Variants in SSU72 observed in about 807,000 individuals in gnomAD.
The protein encoded by SSU72 is SSU72 homolog, RNA polymerase II CTD phosphatase, also known as RNA polymerase II subunit A C-terminal domain phosphatase SSU72.
SSU72 carries 12 observed loss-of-function variants against 22.7 expected under a neutral mutation model. The ratio of observed to expected loss-of-function variants is 0.53; its 90% CI spans 0.34 to 0.86. The LOEUF (loss-of-function observed/expected upper bound fraction) is 0.86. Among genes scored for constraint, SSU72 ranks in the 40% least tolerant of loss-of-function variants. The pLI, the probability that SSU72 is intolerant of heterozygous loss-of-function variation, is 0.02. For synonymous variants in SSU72, 116 were observed against 98.3 expected (o/e 1.18, Z -1.06); for missense variants, 151 against 249.8 (o/e 0.60, Z 2.67).
rs1048037691 is a variant in SSU72, at chr1:1,542,522, C to T, written c.484-355G>A. Reference sequence around the variant, plus strand: ...CTCACCGCCAGCGCTTCCACACCACCAACAAGCGAGCGGGGGCAGCCTGGT... The same window carrying T: ...CTCACCGCCAGCGCTTCCACACCACTAACAAGCGAGCGGGGGCAGCCTGGT... On this transcript the variant is annotated intron_variant, in intron 4 of 4. Transcript: ENST00000291386. The surrounding 1 kb of genome is among the most constrained non-coding windows in gnomAD (Gnocchi z 4.4). Among the ~76,000 whole-genome samples the T allele has an allele frequency of 6.6e-6, 1 of 152,166 alleles. No homozygotes were observed. Among genetic ancestry groups the T allele is most frequent in the African/African-American group, 2.4e-5 (1 of 41,452 alleles).
rs1195577748 is a variant in SSU72 at position 1,566,708 on chromosome 1, C to T, written c.81-1792G>A. On this transcript the variant is annotated intron_variant, in intron 1 of 4. Transcript: ENST00000291386. ...TCTACTAAAAATACAAAAAATTAGG[C>T]GGGCGAGGCGGCGGGCGCTTTTATA... 3.9e-5 allele frequency among the ~76,000 whole-genome samples: 6 copies of T among 152,014 alleles called. No homozygotes were observed. The South Asian group carries it at 6.2e-4, about 16-fold the overall frequency.
intron 1 of SSU72, among the ~76,000 whole-genome samples, chr1:1,574,254 C>T (rs1178281935): frequency 6.6e-6 from 1 of 152,046 alleles, no homozygotes; most frequent in East Asian, 1.9e-4. Flanking sequence ...CGAAGGACCA[C>T]CGGACAGCGG....
chr1:1,550,908 C>T (rs1642448342), intron 2 of SSU72, among the ~76,000 whole-genome samples: 1 of 152,148 alleles, frequency 6.6e-6, no homozygotes, highest in African/African-American at 2.4e-5. Flanking sequence ...CCTGGGGCAT[C>T]TCGTGGTCTA....
intron 2 of SSU72, among the ~76,000 whole-genome samples, chr1:1,553,355 GT>G (rs1642477073): frequency 1.3e-5 from 2 of 152,138 alleles, no homozygotes; most frequent in Admixed American, 1.3e-4. Context: ...TACAGTAGTT[GT>G]TTTGCCAGGA....
At chr1:1,567,507 A>C (rs1387145351) in intron 1 of SSU72, among the ~76,000 whole-genome samples, 1 of 152,224 alleles carries the variant, frequency 6.6e-6, no homozygotes, top group Non-Finnish European at 1.5e-5. Context: ...CCTGACGGAA[A>C]CATGAGGTTA....
intron 2 of SSU72, among the ~76,000 whole-genome samples, chr1:1,557,305 C>A (rs1642533070): frequency 6.6e-6 from 1 of 152,048 alleles, no homozygotes; most frequent in South Asian, 2.1e-4. Context: ...CCCAGCTACT[C>A]AGGAGGCTGA....
At chr1:1,559,166 G>A (rs1224566707) in intron 2 of SSU72, among the ~76,000 whole-genome samples, 1 of 152,224 alleles carries the variant, frequency 6.6e-6, no homozygotes, top group African/African-American at 2.4e-5. Context: ...CTTAGAAATA[G>A]TTCCACGCAT....
Position 1,542,113 on chromosome 1 carries a change from C to T in SSU72, c.538G>A (p.Glu180Lys). 4 of 1,595,176 alleles carry T rather than the reference C, an allele frequency of 2.5e-6. No homozygotes were observed. Among genetic ancestry groups the T allele is most frequent in the East Asian group, 2.3e-5 (1 of 44,282 alleles). ...AGAAAGGTGCGGCCACTCTTCTCCT[C>T]GAACTCCTGCAGCAGCTCGTCGATC... Reference protein sequence around the residue: ...NEIDELLQEFEEKSGRTFLHT... With the variant: ...NEIDELLQEFKEKSGRTFLHT... The change falls in exon 5 of 5, where the codon GAG becomes AAG. Residue 180 changes from glutamate (E) to lysine (K), a missense_variant. By Grantham distance (56) the Glu-to-Lys change is moderately conservative. Transcript: ENST00000291386. This position sits in a 1 kb window ranked among gnomAD's most constrained non-coding sequence, Gnocchi z 4.4.
chr1:1,559,125 C>T (rs912969474), intron 2 of SSU72, among the ~76,000 whole-genome samples: 1 of 152,214 alleles, frequency 6.6e-6, no homozygotes, highest in African/African-American at 2.4e-5. Context: ...TGAGGCTGAG[C>T]GAGGAAAAGT....
Position 1,544,843 on chromosome 1 carries a change from G to C in SSU72, c.364+20C>G. 1 of 1,614,038 alleles carries C rather than the reference G, an allele frequency of 6.2e-7. No individual in the cohort carries two copies. The highest frequency in any genetic ancestry group is 8.5e-7 in the Non-Finnish European group (1 of 1,179,970). ...GTGAGAGCTGCTGGAGCCCAGCCCAGCACGCAGCCGCCTCCTCACCTTCCA... is the reference window on the plus strand; with the variant it reads ...GTGAGAGCTGCTGGAGCCCAGCCCACCACGCAGCCGCCTCCTCACCTTCCA... On this transcript the variant is annotated intron_variant, in intron 3 of 4. Coordinates refer to ENST00000291386, the MANE Select transcript of SSU72 (RefSeq NM_014188.3).
chr1:1,545,132 C>A (rs982295692), intron 2 of SSU72, 130 bp from the exon 3 acceptor site: 13 of 1,098,182 alleles, frequency 1.2e-5, no homozygotes, highest in Non-Finnish European at 1.6e-5. Flanking sequence ...GCCTGGACAG[C>A]GGAGTGGGCC....
Position 1,564,500 on chromosome 1 carries a change from G to A in SSU72, c.224+273C>T, listed in dbSNP as rs944966778. ...CCACCTCCTCACCTAAGCATCCCTG[G>A]TCTACGCTATGTCACGACCCTCTGC... On this transcript the variant is annotated intron_variant, in intron 2 of 4. Coordinates refer to ENST00000291386, the MANE Select transcript of SSU72 (RefSeq NM_014188.3). The A allele has an allele frequency of 4.0e-6, 6 of 1,504,250 alleles. No individual in the cohort carries two copies. The Admixed American group carries it at 1.3e-4, about 32-fold the overall frequency. 93.2% of individuals were successfully genotyped at this position (1,504,250 alleles called of 1,614,324 possible).
At chr1:1,569,223 A>AAAAC (rs922451048) in intron 1 of SSU72, among the ~76,000 whole-genome samples, 1 of 152,252 alleles carries the variant, frequency 6.6e-6, no homozygotes, top group East Asian at 1.9e-4. Context: ...AAAAAGCCAC[A>AAAAC]AAACAAACAA....
chr1:1,567,183 G>A (rs922836583), intron 1 of SSU72, among the ~76,000 whole-genome samples: 3 of 152,234 alleles, frequency 2.0e-5, no homozygotes, highest in African/African-American at 7.2e-5. Flanking sequence ...GATGAGTAGA[G>A]GAAGCAAAAG....
At chr1:1,544,595 CG>C (rs1642368914) in intron 3 of SSU72, 1 of 492,434 alleles carries the variant, frequency 2.0e-6, no homozygotes, top group Non-Finnish European at 3.7e-6. Context: ...TCCAGCCTGG[CG>C]ACAGAGCACG....
intron 2 of SSU72, among the ~76,000 whole-genome samples, chr1:1,560,279 C>G (rs558488678): frequency 1.3e-5 from 2 of 152,252 alleles, no homozygotes; most frequent in South Asian, 4.1e-4. Context: ...CCTGCCTCAG[C>G]TTCCCGAGTA....
intron 2 of SSU72, among the ~76,000 whole-genome samples, chr1:1,553,840 G>C (rs2100711085): frequency 6.6e-6 from 1 of 151,424 alleles, no homozygotes; most frequent in East Asian, 1.9e-4. Context: ...ACTGGAGCAG[G>C]CCGCATCTGA....
rs1308978186 is a variant in SSU72, at chr1:1,574,822, G to C, written c.-265C>G. 3 of 262,464 alleles carry C rather than the reference G, an allele frequency of 1.1e-5. No individual in the cohort carries two copies. Among genetic ancestry groups the C allele is most frequent in the Non-Finnish European group, 2.2e-5 (3 of 133,412 alleles). 16.3% of individuals were successfully genotyped at this position (262,464 alleles called of 1,614,324 possible). A position where few individuals can be genotyped will look rare whatever the true frequency, so the allele number is the denominator to read the frequency against. On this transcript the variant is annotated 5_prime_UTR_variant, in exon 1 of 5. Transcript: ENST00000291386. ...AACGCCGCGCCGGCCCCCGGCGTCCGCAGCAGAGACCCGCACTCCACAAGG... is the reference window on the plus strand; with the variant it reads ...AACGCCGCGCCGGCCCCCGGCGTCCCCAGCAGAGACCCGCACTCCACAAGG...
chr1:1,555,526 C>T (rs1210763250), intron 2 of SSU72, among the ~76,000 whole-genome samples: 2 of 152,152 alleles, frequency 1.3e-5, no homozygotes, highest in Non-Finnish European at 2.9e-5. Context: ...CAAGAACAGC[C>T]GAGTGTGCCA....
Sources: allele counts gnomAD v4.1 joint callset (sites outside exome capture counted in the v4.1 genomes callset), GRCh38; gene constraint gnomAD v4.1.1; non-coding constraint Gnocchi (gnomAD v3.1); transcripts MANE v1.5; gene names NCBI Gene and HGNC (gene_info 2026-07-23, HGNC 2026-07-21).